Variants in DENND4C observed in about 807,000 individuals in gnomAD.
The protein encoded by DENND4C is DENN domain-containing protein 4C.
DENND4C carries 108 observed loss-of-function variants against 203.0 expected under a neutral mutation model. The observed-to-expected ratio is 0.53, with a 90% CI of 0.46 to 0.62. The LOEUF (loss-of-function observed/expected upper bound fraction) is 0.62, where lower values mean the gene tolerates loss of function less well. DENND4C is among the 20% of genes least tolerant of loss of function. The pLI is 0.00. For missense variants in DENND4C, 2,481 were observed against 2,301.2 expected (o/e 1.08, Z -1.60); for synonymous variants, 871 against 792.4 (o/e 1.10, Z -1.67).
At chr9:19,292,070 G>A (rs530496025) in intron 5 of DENND4C, among the ~76,000 whole-genome samples, 1 of 152,100 alleles carries the variant, frequency 6.6e-6, no homozygotes, top group Admixed American at 6.5e-5. Context: ...TGTTGCCCAG[G>A]CTGGAGTGCA....
At chr9:19,333,814 G>A (rs1056869354) in intron 17 of DENND4C, among the ~76,000 whole-genome samples, 1 of 151,988 alleles carries the variant, frequency 6.6e-6, no homozygotes, top group Admixed American at 6.6e-5. Context: ...ATTATTTTTG[G>A]TGTTAAGATA....
In DENND4C at chr9:19,270,725, G is replaced by A. The variant is rs370324302; in HGVS notation, c.-17-5433G>A. 2.8e-4 allele frequency among the ~76,000 whole-genome samples: 43 copies of A among 152,082 alleles called. 2 individuals carry two copies. Among genetic ancestry groups the A allele is most frequent in the African/African-American group, 5.1e-4 (21 of 41,474 alleles). On this transcript the variant is annotated intron_variant, in intron 1 of 32. Transcript: ENST00000434457. ...TTACCATTTATCTTAACAGTGTACC[G>A]GATGTTCTAGCCAGTGCAATAAGGC... is the stretch of plus-strand genomic sequence containing the variant.
intron 10 of DENND4C, among the ~76,000 whole-genome samples, chr9:19,314,099 A>G (rs1841283726): frequency 6.6e-6 from 1 of 151,806 alleles, no homozygotes; most frequent in African/African-American, 2.4e-5. Flanking sequence ...GGGAAAAAAA[A>G]GAATGATACA....
At chr9:19,292,198 T>C (rs77802688) in intron 5 of DENND4C, 4 of 119,760 alleles carry the variant, frequency 3.3e-5, no homozygotes, top group African/African-American at 1.8e-4. Flanking sequence ...TAATTTTGTA[T>C]TTTTTTTTTT....
At chr9:19,344,796 C>G (rs1287400708) in intron 22 of DENND4C, among the ~76,000 whole-genome samples, 1 of 152,022 alleles carries the variant, frequency 6.6e-6, no homozygotes, top group East Asian at 1.9e-4. Flanking sequence ...AGCCACCATG[C>G]CCGGCATAAC....
chr9:19,336,366 C>G lies in DENND4C; in HGVS notation c.2686C>G (p.Gln896Glu). 10 of 1,614,000 alleles carry G rather than the reference C, an allele frequency of 6.2e-6. No homozygotes were observed. The highest frequency in any genetic ancestry group is 8.5e-6 in the Non-Finnish European group (10 of 1,179,966). Residue 896 changes from glutamine (Q) to glutamate (E), a missense_variant, in exon 19 of 33, where the codon CAG (glutamine) becomes GAG (glutamate). By Grantham distance (29) the Gln-to-Glu change is conservative (BLOSUM62 2). Around this residue, in one of 3 missense-constraint regions of DENND4C, gnomAD observed 2,289 missense variants for 2,113.3 expected, o/e 1.08. Transcript: ENST00000434457. ...GGTACGTGGCTTGGCACAGTTTAGG[C>G]AGCCGCTTAAAAAGACTGTGCAAAG... is the stretch of plus-strand genomic sequence containing the variant. ...NVVRGLAQFR[Q>E]PLKKTVQRSQ...
At chr9:19,289,195 A>G (rs1418568309) in intron 4 of DENND4C, among the ~76,000 whole-genome samples, 2 of 152,252 alleles carry the variant, frequency 1.3e-5, no homozygotes, top group Non-Finnish European at 2.9e-5. Context: ...ATCTATCGCC[A>G]CATTCTTACT....
chr9:19,340,531 C>T (rs1235957502), intron 20 of DENND4C, among the ~76,000 whole-genome samples: 1 of 152,080 alleles, frequency 6.6e-6, no homozygotes, highest in African/African-American at 2.4e-5. Context: ...ATACCATAAG[C>T]CATACATAGA....
At position 19,244,311 on chromosome 9, in the gene DENND4C, G is replaced by A. The variant is rs534032279; in HGVS notation, c.-18+13478G>A. On this transcript the variant is annotated intron_variant, in intron 1 of 32. Coordinates refer to ENST00000434457, the MANE Select transcript of DENND4C (RefSeq NM_001330640.2). Reference sequence around the variant, plus strand: ...CTCCCAAAGTGCTGGGATTACAGGCGTGAGCCTTCTCGCCTGGCCTGCTTG... The same window carrying A: ...CTCCCAAAGTGCTGGGATTACAGGCATGAGCCTTCTCGCCTGGCCTGCTTG... 5.9e-5 allele frequency among the ~76,000 whole-genome samples: 9 copies of A among 152,262 alleles called. No individual in the cohort carries two copies. In the South Asian group the frequency reaches 6.2e-4, roughly 11 times the overall value.
At chr9:19,353,857 A>G (rs1824747753) in intron 26 of DENND4C, among the ~76,000 whole-genome samples, 1 of 152,172 alleles carries the variant, frequency 6.6e-6, no homozygotes, top group Non-Finnish European at 1.5e-5. Context: ...AATGGTTTGA[A>G]CCCAGGAGGC....
chr9:19,337,838 A>T (rs1453012643), intron 20 of DENND4C, among the ~76,000 whole-genome samples: 1 of 152,028 alleles, frequency 6.6e-6, no homozygotes, highest in East Asian at 1.9e-4. Flanking sequence ...TATCCAGCTA[A>T]CTTTTTATGG....
intron 10 of DENND4C, among the ~76,000 whole-genome samples, chr9:19,310,085 A>G (rs1331975360): frequency 6.6e-6 from 1 of 152,136 alleles, no homozygotes; most frequent in Non-Finnish European, 1.5e-5. Context: ...TAGACTTTCT[A>G]CTTGTTGCTA....
chr9:19,301,108 G>A lies in DENND4C; in HGVS notation c.1311+777G>A, dbSNP rs142386747. ...CAGGAGAATTGCTTGAACCCAGGAG[G>A]CGGAGGTTATGGTGAGCTGAGATCA... is the stretch of plus-strand genomic sequence containing the variant. On this transcript the variant is annotated intron_variant, in intron 9 of 32. Transcript: ENST00000434457. Among the ~76,000 whole-genome samples the A allele has an allele frequency of 2.6e-3, 388 of 151,990 alleles. 1 individual carries two copies. The highest frequency in any genetic ancestry group is 9.2e-3 in the African/African-American group (382 of 41,430).
intron 1 of DENND4C, among the ~76,000 whole-genome samples, chr9:19,253,434 G>A (rs1827150429): frequency 6.6e-6 from 1 of 152,120 alleles, no homozygotes; most frequent in Admixed American, 6.5e-5. Flanking sequence ...ACTGCCTTGT[G>A]TTCTGAAAAA....
intron 25 of DENND4C, 24 bp from the exon 26 acceptor site, chr9:19,352,466 G>A: frequency 6.5e-7 from 1 of 1,541,010 alleles, no homozygotes; most frequent in Non-Finnish European, 8.7e-7. Flanking sequence ...AACGTTCTCA[G>A]TGTCTGCATT....
In DENND4C at chr9:19,352,611, G is replaced by A; in HGVS notation, c.4727G>A (p.Ser1576Asn). ...AATACAGCTTGTCCATTCTGTAAAA[G>A]CAACTTCTTGCCTCTTCTCAATATA... ...NLNTACPFCKSNFLPLLNIEF... is the reference protein window; with the variant it reads ...NLNTACPFCKNNFLPLLNIEF... Residue 1576 changes from serine to asparagine, a missense_variant, in exon 26 of 33, where the codon AGC becomes AAC. This residue lies in a region of DENND4C where 2,289 missense variants were observed against 2,113.3 expected (regional missense o/e 1.08). Transcript: ENST00000434457. 1 of 1,613,460 alleles carries A rather than the reference G, an allele frequency of 6.2e-7. No individual in the cohort carries two copies. The highest frequency in any genetic ancestry group is 8.5e-7 in the Non-Finnish European group (1 of 1,179,622).
At chr9:19,294,913 A>T (rs1837113506) in intron 5 of DENND4C, among the ~76,000 whole-genome samples, 1 of 152,236 alleles carries the variant, frequency 6.6e-6, no homozygotes, top group Non-Finnish European at 1.5e-5. Flanking sequence ...GGAAGTTACC[A>T]TTTAAGGGTT....
intron 30 of DENND4C, among the ~76,000 whole-genome samples, chr9:19,362,385 A>T (rs1474478025): frequency 1.3e-5 from 2 of 152,196 alleles, no homozygotes; most frequent in East Asian, 3.8e-4. Flanking sequence ...CATTCCATCC[A>T]TACTGTAGGA....
At chr9:19,366,675 C>A (rs1427842143) in intron 30 of DENND4C, among the ~76,000 whole-genome samples, 4 of 152,140 alleles carry the variant, frequency 2.6e-5, no homozygotes, top group African/African-American at 4.8e-5. Flanking sequence ...AAATTGGATA[C>A]TTCCTCAAAT....
Sources: allele counts gnomAD v4.1 joint callset (sites outside exome capture counted in the v4.1 genomes callset), GRCh38; gene constraint gnomAD v4.1.1; regional missense constraint gnomAD v4.1.1; transcripts MANE v1.5; gene names NCBI Gene and HGNC (gene_info 2026-07-23, HGNC 2026-07-21).